FBXO22: variants seen among roughly 807,000 people sequenced by gnomAD.
FBXO22 encodes F-box only protein 22.
In FBXO22, 13 loss-of-function variants were observed where a neutral mutation model predicts 37.2. The ratio of observed to expected loss-of-function variants is 0.35; its 90% CI spans 0.23 to 0.56. FBXO22 has a LOEUF of 0.56. Among genes scored for constraint, FBXO22 ranks in the 20% least tolerant of loss-of-function variants. FBXO22 has a pLI of 0.87. For missense variants in FBXO22, 446 were observed against 509.9 expected (o/e 0.87, Z 1.21); for synonymous variants, 189 against 189.1 (o/e 1.00, Z 0.00).
intron 5 of FBXO22, among the ~76,000 whole-genome samples, chr15:75,929,581 T>C (rs577628666): frequency 1.3e-5 from 2 of 152,206 alleles, no homozygotes; most frequent in Admixed American, 1.3e-4. Context: ...TGCTGCTCAG[T>C]ACATAGCTGC....
At chr15:75,918,319 T>TG in intron 5 of FBXO22, among the ~76,000 whole-genome samples, 1 of 145,596 alleles carries the variant, frequency 6.9e-6, no homozygotes, top group South Asian at 2.1e-4. Context: ...CCTGACAATG[T>TG]GGAAAAAAAA....
intron 5 of FBXO22, among the ~76,000 whole-genome samples, chr15:75,922,279 T>G (rs1900344380): frequency 6.6e-6 from 1 of 152,262 alleles, no homozygotes; most frequent in Admixed American, 6.5e-5. Context: ...ACTGTGCGTG[T>G]CACCACGCCT....
intron 6 of FBXO22, among the ~76,000 whole-genome samples, chr15:75,931,096 A>G (rs1304939342): frequency 6.6e-6 from 1 of 152,116 alleles, no homozygotes; most frequent in Non-Finnish European, 1.5e-5. Flanking sequence ...CCTCTTGCCT[A>G]ATTTTTCCTG....
intron 6 of FBXO22, among the ~76,000 whole-genome samples, chr15:75,932,251 T>C (rs2030053621): frequency 6.6e-6 from 1 of 152,226 alleles, no homozygotes; most frequent in Non-Finnish European, 1.5e-5. Flanking sequence ...ATTTTTAATA[T>C]ACATCTTTCA....
At chr15:75,915,157 A>C (rs536993502) in intron 4 of FBXO22, among the ~76,000 whole-genome samples, 8 of 151,810 alleles carry the variant, frequency 5.3e-5, no homozygotes, top group Admixed American at 4.6e-4. Flanking sequence ...TTTTAGTAGA[A>C]ACCGGGTTTC....
At position 75,938,737 on chromosome 15, in the gene FBXO22, T is replaced by G. The variant is rs2030633702; in HGVS notation, c.*5635T>G. ...AACAACAAATCAAGCCTACATAGTTTTAAAAGATACATATCACACACAAAG... is the reference window on the plus strand; with the variant it reads ...AACAACAAATCAAGCCTACATAGTTGTAAAAGATACATATCACACACAAAG... On this transcript the variant is annotated 3_prime_UTR_variant, in exon 7 of 7. Coordinates refer to ENST00000308275, the MANE Select transcript of FBXO22 (RefSeq NM_147188.3). 6.6e-6 allele frequency: 1 copy of G among 152,192 alleles called. No individual in the cohort carries two copies. Among genetic ancestry groups the G allele is most frequent in the Admixed American group, 6.5e-5 (1 of 15,286 alleles). 9.4% of individuals were successfully genotyped at this position (152,192 alleles called of 1,614,324 possible).
Position 75,941,885 on chromosome 15 carries a change from A to C in FBXO22, c.*8783A>C, listed in dbSNP as rs116522539. The C allele has an allele frequency of 4.0e-3, 589 of 148,384 alleles. 10 individuals carry two copies. Among genetic ancestry groups the C allele is most frequent in the African/African-American group, 0.014 (559 of 40,290 alleles). The allele number at this position is 148,384 out of a possible 1,614,324, so 9.2% of individuals were successfully genotyped here. On this transcript the variant is annotated 3_prime_UTR_variant, in exon 7 of 7. Transcript: ENST00000308275. ...TAATGCCTTTAAACTGTAACTTCAA[A>C]ATGGTTAAAATTTAAATCTTACGTA...
intron 6 of FBXO22, among the ~76,000 whole-genome samples, chr15:75,931,280 C>A (rs1258692367): frequency 2.0e-5 from 3 of 152,094 alleles, no homozygotes. Context: ...AAACACCCCC[C>A]ACCCCAATCA....
rs1012837948 is a variant in FBXO22, at chr15:75,937,104, G to A, written c.*4002G>A. ...TACTTAATAAACATACTCTATTCAA[G>A]GTCTTGTAATAAAATTATAGGGAGG... is the stretch of plus-strand genomic sequence containing the variant. On this transcript the variant is annotated 3_prime_UTR_variant, in exon 7 of 7. Transcript: ENST00000308275. The A allele has an allele frequency of 5.3e-5, 8 of 151,676 alleles. No individual in the cohort carries two copies. Among genetic ancestry groups the A allele is most frequent in the African/African-American group, 1.9e-4 (8 of 41,256 alleles). 9.4% of individuals were successfully genotyped at this position (151,676 alleles called of 1,614,324 possible). A position where few individuals can be genotyped will look rare whatever the true frequency, so the allele number is the denominator to read the frequency against.
chr15:75,920,786 C>T (rs335695), intron 5 of FBXO22, among the ~76,000 whole-genome samples: 140,567 of 152,182 alleles, frequency 0.92, 65,500 homozygotes, highest in East Asian at 1. Flanking sequence ...TCACGCCACT[C>T]TACTGCAGCC....
At chr15:75,928,135 T>C (rs2029880146) in intron 5 of FBXO22, among the ~76,000 whole-genome samples, 1 of 152,162 alleles carries the variant, frequency 6.6e-6, no homozygotes, top group Non-Finnish European at 1.5e-5. Context: ...AAAGGAACAC[T>C]TATACACTGT....
chr15:75,927,749 C>T (rs1484849818), intron 5 of FBXO22, among the ~76,000 whole-genome samples: 1 of 151,966 alleles, frequency 6.6e-6, no homozygotes, highest in African/African-American at 2.4e-5. Context: ...GGAAATGGAC[C>T]AGAGGCAGTT....
chr15:75,929,621 T>C (rs1282190807), intron 5 of FBXO22, among the ~76,000 whole-genome samples: 1 of 152,158 alleles, frequency 6.6e-6, no homozygotes, highest in African/African-American at 2.4e-5. Context: ...GCATTATTTA[T>C]TAACACAAAT....
intron 5 of FBXO22, among the ~76,000 whole-genome samples, chr15:75,928,756 A>G (rs1267262548): frequency 1.3e-5 from 2 of 152,190 alleles, no homozygotes; most frequent in Non-Finnish European, 2.9e-5. Flanking sequence ...TTGATAGTCT[A>G]TAAACAAGCT....
chr15:75,921,007 A>G (rs2141716510), intron 5 of FBXO22, among the ~76,000 whole-genome samples: 1 of 152,326 alleles, frequency 6.6e-6, no homozygotes, highest in South Asian at 2.1e-4. Flanking sequence ...TGTGAATGTC[A>G]TAGTACTTAC....
In FBXO22 at chr15:75,903,888, G is replaced by T. The variant is rs1173867216; in HGVS notation, c.-76G>T. 3 of 1,394,718 alleles carry T rather than the reference G, an allele frequency of 2.2e-6. No homozygotes were observed. Among genetic ancestry groups the T allele is most frequent in the East Asian group, 2.7e-5 (1 of 36,368 alleles). The allele number at this position is 1,394,718 out of a possible 1,614,324, so 86.4% of individuals were successfully genotyped here. ...CGCGGACGCCTGCTCAGTGCGCGCC[G>T]GCCGGGCAACCCTATGCTGGCGTAA... On this transcript the variant is annotated 5_prime_UTR_variant, in exon 1 of 7. Transcript: ENST00000308275.
At chr15:75,923,128 A>G (rs1900365689) in intron 5 of FBXO22, among the ~76,000 whole-genome samples, 1 of 152,100 alleles carries the variant, frequency 6.6e-6, no homozygotes. Flanking sequence ...GGAATCTTTG[A>G]TGAGGCCCTG....
At chr15:75,924,627 T>C (rs1476369003) in intron 5 of FBXO22, among the ~76,000 whole-genome samples, 3 of 152,136 alleles carry the variant, frequency 2.0e-5, no homozygotes, top group Non-Finnish European at 4.4e-5. Context: ...CACTTCTTCC[T>C]CTAAACCTTC....
intron 2 of FBXO22, among the ~76,000 whole-genome samples, chr15:75,912,308 C>T (rs1322423604): frequency 6.6e-6 from 1 of 152,124 alleles, no homozygotes; most frequent in South Asian, 2.1e-4. Flanking sequence ...ACGAGTCCCT[C>T]TTTTTCTGTT....
Sources: allele counts gnomAD v4.1 joint callset (sites outside exome capture counted in the v4.1 genomes callset), GRCh38; gene constraint gnomAD v4.1.1; transcripts MANE v1.5; gene names NCBI Gene and HGNC (gene_info 2026-07-23, HGNC 2026-07-21).